CPNE2: variants seen among roughly 807,000 people sequenced by gnomAD.
CPNE2 encodes copine-2.
CPNE2 carries 42 observed loss-of-function variants against 69.7 expected under a neutral mutation model. The observed-to-expected ratio is 0.60, with a 90% CI of 0.47 to 0.78. The LOEUF is 0.78. Among genes scored for constraint, CPNE2 ranks in the 30% least tolerant of loss-of-function variants. The probability of loss-of-function intolerance (pLI) is 0.00; values close to 1 mark genes in which losing one functional copy is unlikely to be tolerated. For missense variants in CPNE2, 587 were observed against 732.0 expected, an observed-to-expected ratio of 0.80 and a Z score of 2.29; for synonymous variants, 294 against 289.8, an observed-to-expected ratio of 1.01 and a Z score of -0.15.
At position 57,146,288 on chromosome 16, in the gene CPNE2, T is replaced by C. The variant is rs201965476; in HGVS notation, c.1506T>C (p.Ile502=). 6.8e-5 allele frequency: 106 copies of C among 1,554,930 alleles called. No homozygotes were observed. In the East Asian group the frequency reaches 2.2e-3, roughly 33 times the overall value. The part of the protein sequence containing the change: ...SHTGEEAARD[I]VQFVPFREFR... ...CGGGGGAGGAGGCAGCCCGCGATAT[T>C]GTGCAGTTCGTTCCCTTTCGAGAGT... The change falls in exon 15 of 16, where the codon ATT becomes ATC. Residue 502 remains isoleucine, a synonymous_variant. Coordinates refer to ENST00000290776, the MANE Select transcript of CPNE2 (RefSeq NM_152727.6). This position sits in a 1 kb window ranked among gnomAD's most constrained non-coding sequence, Gnocchi z 4.4.
chr16:57,111,914 G>T (rs1249744804), intron 2 of CPNE2, among the ~76,000 whole-genome samples: 2 of 152,232 alleles, frequency 1.3e-5, no homozygotes, highest in African/African-American at 4.8e-5. Flanking sequence ...TGGAGTAAAT[G>T]TAGAGAATCC....
chr16:57,118,648 A>ATG (rs2069737777), intron 5 of CPNE2, among the ~76,000 whole-genome samples: 2 of 141,678 alleles, frequency 1.4e-5, no homozygotes, highest in Non-Finnish European at 3.1e-5. Context: ...GAGACCCCAT[A>ATG]GATGGATGGA....
At chr16:57,120,726 T>C (rs1271676116) in intron 7 of CPNE2, among the ~76,000 whole-genome samples, 1 of 152,038 alleles carries the variant, frequency 6.6e-6, no homozygotes, top group East Asian at 1.9e-4. Flanking sequence ...TCAGACAGCA[T>C]ATAAAGCTGT....
intron 4 of CPNE2, among the ~76,000 whole-genome samples, chr16:57,116,330 C>CCCCCA (rs2069719090): frequency 6.6e-6 from 1 of 152,122 alleles, no homozygotes; most frequent in Non-Finnish European, 1.5e-5. Flanking sequence ...TCTGTTCCTG[C>CCCCCA]CCCCACGGAT....
At chr16:57,103,537 C>G (rs1437183335) in intron 1 of CPNE2, among the ~76,000 whole-genome samples, 2 of 152,216 alleles carry the variant, frequency 1.3e-5, no homozygotes, top group Non-Finnish European at 2.9e-5. Flanking sequence ...TCCTCTCCAC[C>G]AGCCTCTGGA....
intron 1 of CPNE2, among the ~76,000 whole-genome samples, chr16:57,102,317 C>T (rs1366830959): frequency 6.6e-6 from 1 of 152,160 alleles, no homozygotes; most frequent in African/African-American, 2.4e-5. Flanking sequence ...CACGTGGTGA[C>T]AGCTCTGAGC....
chr16:57,114,095 G>A (rs980669190), intron 3 of CPNE2, among the ~76,000 whole-genome samples: 3 of 152,226 alleles, frequency 2.0e-5, no homozygotes, highest in Admixed American at 6.5e-5. Flanking sequence ...TGAAATGCCC[G>A]GGGCCTTCCA....
chr16:57,108,358 G>T (rs1321703164), intron 1 of CPNE2, among the ~76,000 whole-genome samples: 3 of 152,228 alleles, frequency 2.0e-5, no homozygotes, highest in African/African-American at 7.2e-5. Context: ...CTCAATTAGT[G>T]CTCACAAGCA....
chr16:57,105,287 G>A (rs764669858), intron 1 of CPNE2, among the ~76,000 whole-genome samples: 1 of 152,146 alleles, frequency 6.6e-6, no homozygotes, highest in African/African-American at 2.4e-5. Context: ...GATTAAGGAC[G>A]ATGAATTCCT....
chr16:57,145,383 C>CG (rs2069949676), intron 14 of CPNE2, among the ~76,000 whole-genome samples: 1 of 152,186 alleles, frequency 6.6e-6, no homozygotes, highest in Admixed American at 6.5e-5. Context: ...AGTCCTCTTC[C>CG]GGGGTGACTT....
chr16:57,125,774 C>T, intron 10 of CPNE2, 86 bp from the exon 11 acceptor site: 8 of 1,540,958 alleles, frequency 5.2e-6, no homozygotes, highest in Non-Finnish European at 7.0e-6. Flanking sequence ...CTTCCCATGT[C>T]CCATCTACCT....
At chr16:57,125,184 T>G in intron 10 of CPNE2, 1 of 417,532 alleles carries the variant, frequency 2.4e-6, no homozygotes, top group African/African-American at 2.0e-5. Flanking sequence ...TGGGATTCTC[T>G]GGGGCTGAGA....
At chr16:57,142,353 T>C (rs1015250959) in intron 14 of CPNE2, 1 of 152,250 alleles carries the variant, frequency 6.6e-6, no homozygotes, top group African/African-American at 2.4e-5. Flanking sequence ...ATAAAGGATG[T>C]GTGTGCGTGG....
chr16:57,098,749 G>C (rs993467678), intron 1 of CPNE2, among the ~76,000 whole-genome samples: 1 of 151,950 alleles, frequency 6.6e-6, no homozygotes, highest in South Asian at 2.1e-4. Flanking sequence ...AACTTGTGTC[G>C]AGCTTCCATT....
chr16:57,128,929 G>A lies in CPNE2; in HGVS notation c.1116+1026G>A, dbSNP rs576763163. The A allele has an allele frequency of 2.6e-5, 4 of 152,372 alleles. No individual in the cohort carries two copies. The South Asian group carries it at 8.3e-4, about 32-fold the overall frequency. The allele number at this position is 152,372 out of a possible 1,614,324, so 9.4% of individuals were successfully genotyped here. On this transcript the variant is annotated intron_variant, in intron 12 of 15. Coordinates refer to ENST00000290776, the MANE Select transcript of CPNE2 (RefSeq NM_152727.6). ...TATGGCAACACTAAAGACAGGTAGT[G>A]TCATCGGTGCTGAGGTGGGGGCACC... is the stretch of plus-strand genomic sequence containing the variant.
intron 1 of CPNE2, chr16:57,094,204 C>A (rs1229077545): frequency 2.5e-6 from 1 of 406,198 alleles, no homozygotes; most frequent in Admixed American, 2.8e-5. Context: ...GTTTTGCGGC[C>A]GTCACTTCCT....
At chr16:57,124,380 C>T (rs1405336815) in intron 10 of CPNE2, 2 of 456,246 alleles carry the variant, frequency 4.4e-6, no homozygotes, top group African/African-American at 4.0e-5. Flanking sequence ...CTGGGCCTGG[C>T]CCTCACTATT....
intron 1 of CPNE2, among the ~76,000 whole-genome samples, chr16:57,098,831 C>T (rs1021789184): frequency 3.9e-5 from 6 of 152,118 alleles, no homozygotes; most frequent in Admixed American, 3.3e-4. Flanking sequence ...CCAGTGAGGG[C>T]GACGCTTCTA....
At chr16:57,129,804 G>C (rs1268239067) in intron 12 of CPNE2, among the ~76,000 whole-genome samples, 2 of 152,166 alleles carry the variant, frequency 1.3e-5, no homozygotes, top group Non-Finnish European at 2.9e-5. Context: ...GGGCAACAGA[G>C]TGAGACCCTG....
Sources: gnomAD v4.1 joint callset for allele counts (sites outside exome capture counted in the v4.1 genomes callset) on GRCh38, gnomAD v4.1.1 for gene constraint, Gnocchi (gnomAD v3.1) non-coding constraint, MANE v1.5 for transcripts, NCBI Gene and HGNC (gene_info 2026-07-23, HGNC 2026-07-21) for gene names.